ANK3: variants seen among roughly 807,000 people sequenced by gnomAD.
ANK3 encodes ankyrin-3.
A neutral mutation model predicts 370.9 loss-of-function variants in ANK3; 57 were observed. That is an observed-to-expected ratio of 0.15 (90% CI 0.12 to 0.19). The LOEUF (loss-of-function observed/expected upper bound fraction) is 0.19. Ranked by LOEUF, ANK3 falls within the 10% of genes least tolerant of loss-of-function variation. The pLI is 1.00. For missense variants in ANK3, 4,439 were observed against 5,302.1 expected (o/e 0.84, Z 5.06); for synonymous variants, 1,929 against 1,946.3 (o/e 0.99, Z 0.23).
intron 1 of ANK3, among the ~76,000 whole-genome samples, chr10:60,716,971 A>G (rs1039462659): frequency 6.6e-6 from 1 of 152,238 alleles, no homozygotes; most frequent in Non-Finnish European, 1.5e-5. Context: ...GCGGAGACCC[A>G]GCAATTGCTA....
chr10:60,140,196 T>C (rs2094502476), intron 23 of ANK3: 1 of 783,036 alleles, frequency 1.3e-6, no homozygotes, highest in Non-Finnish European at 2.1e-6. Context: ...TCAACTACTG[T>C]TTTTGCAAAT....
intron 23 of ANK3, chr10:60,140,248 T>C: frequency 8.1e-7 from 1 of 1,232,798 alleles, no homozygotes; most frequent in Non-Finnish European, 1.2e-6. Flanking sequence ...TGCTACCCAG[T>C]ACCAAGAGAT....
intron 1 of ANK3, among the ~76,000 whole-genome samples, chr10:60,379,721 G>A (rs2132824416): frequency 6.6e-6 from 1 of 152,086 alleles, no homozygotes; most frequent in East Asian, 1.9e-4. Context: ...AAAGGTAGGG[G>A]AAAGGGAGGT....
In ANK3 at chr10:60,134,393, C is replaced by T; in HGVS notation, c.2739-20G>A. On this transcript the variant is annotated intron_variant, in intron 24 of 43. Coordinates refer to ENST00000280772, the MANE Select transcript of ANK3 (RefSeq NM_020987.5). ...CGGAGGCTGTTGTATTTACAGTTAACCATTCAACAGTGGTAGATGATGATG... is the reference window on the plus strand; with the variant it reads ...CGGAGGCTGTTGTATTTACAGTTAATCATTCAACAGTGGTAGATGATGATG... 1 of 1,588,596 alleles carries T rather than the reference C, an allele frequency of 6.3e-7. No homozygotes were observed. Among genetic ancestry groups the T allele is most frequent in the East Asian group, 2.2e-5 (1 of 44,562 alleles).
intron 2 of ANK3, among the ~76,000 whole-genome samples, chr10:60,472,168 T>C (rs2065235018): frequency 6.6e-6 from 1 of 152,146 alleles, no homozygotes; most frequent in Non-Finnish European, 1.5e-5. Context: ...AAAGACTAAT[T>C]GAATGATCTG....
At chr10:60,224,385 G>A (rs2097106161) in intron 8 of ANK3, among the ~76,000 whole-genome samples, 1 of 152,176 alleles carries the variant, frequency 6.6e-6, no homozygotes, top group African/African-American at 2.4e-5. Flanking sequence ...GGAACTGCAC[G>A]TTACTCGCCG....
intron 23 of ANK3, among the ~76,000 whole-genome samples, chr10:60,143,111 G>A (rs1418630113): frequency 6.6e-6 from 1 of 152,082 alleles, no homozygotes; most frequent in Non-Finnish European, 1.5e-5. Context: ...AACTCAAATA[G>A]CATTTAAATT....
intron 42 of ANK3, among the ~76,000 whole-genome samples, chr10:60,050,884 GTAAAGT>G (rs1261489549): frequency 3.3e-5 from 5 of 150,296 alleles, no homozygotes; most frequent in African/African-American, 1.2e-4. Flanking sequence ...TTGTGTGTTA[GTAAAGT>G]TAAACAAACA....
chr10:60,041,519 A>G lies in ANK3; in HGVS notation c.*19+1153T>C, dbSNP rs186689906. ...CCACTTTGGGCCTGTTTCCTCATCT[A>G]TCAAATGGGGATGATGAAGGCCTTA... On this transcript the variant is annotated intron_variant, in intron 43 of 43. Transcript: ENST00000280772. Among the ~76,000 whole-genome samples the G allele has an allele frequency of 2.4e-3, 366 of 152,222 alleles. 2 individuals carry two copies. Among genetic ancestry groups the G allele is most frequent in the Middle Eastern group, 0.017 (5 of 294 alleles).
Position 60,595,289 on chromosome 10 carries a change from C to T in ANK3, c.96+19897G>A, listed in dbSNP as rs117868879. Reference sequence around the variant, plus strand: ...ACATGAGGCTGGAGTTTTATTACTACTCAAATCAGCTTCCACAAAAATTTG... The same window carrying T: ...ACATGAGGCTGGAGTTTTATTACTATTCAAATCAGCTTCCACAAAAATTTG... On this transcript the variant is annotated intron_variant, in intron 2 of 43. Coordinates refer to the ANK3 transcript ENST00000373827. Among the ~76,000 whole-genome samples, 1,007 of 152,176 alleles carry T rather than the reference C, an allele frequency of 6.6e-3. 2 individuals carry two copies. Among genetic ancestry groups the T allele is most frequent in the Non-Finnish European group, 0.011 (719 of 68,016 alleles).
At chr10:60,115,451 A>G (rs1010766701) in intron 25 of ANK3, among the ~76,000 whole-genome samples, 6 of 152,212 alleles carry the variant, frequency 3.9e-5, no homozygotes, top group African/African-American at 1.4e-4. Context: ...TGTGGATAAA[A>G]CCAGAAAAAT....
chr10:60,495,697 C>T (rs7077572), intron 2 of ANK3, among the ~76,000 whole-genome samples: 19,573 of 152,098 alleles, frequency 0.13, 1,453 homozygotes, highest in African/African-American at 0.2. Context: ...TTCTGTGATC[C>T]TACTGCACAT....
At chr10:60,362,786 T>G (rs958354311) in intron 1 of ANK3, among the ~76,000 whole-genome samples, 1 of 152,114 alleles carries the variant, frequency 6.6e-6, no homozygotes, top group Admixed American at 6.5e-5. Flanking sequence ...TCAGGTACCA[T>G]GGGCGGTGAT....
chr10:60,536,372 G>A (rs911031574), intron 2 of ANK3, among the ~76,000 whole-genome samples: 3 of 152,002 alleles, frequency 2.0e-5, no homozygotes, highest in African/African-American at 7.2e-5. Flanking sequence ...AATTGAACAA[G>A]CTGTGTAGTT....
chr10:60,480,327 G>C (rs994495915), intron 2 of ANK3, among the ~76,000 whole-genome samples: 1 of 152,140 alleles, frequency 6.6e-6, no homozygotes, highest in Non-Finnish European at 1.5e-5. Context: ...GGGCACAGAC[G>C]AATGCTTACG....
intron 41 of ANK3, among the ~76,000 whole-genome samples, chr10:60,056,283 A>T (rs1490604133): frequency 6.6e-6 from 1 of 152,084 alleles, no homozygotes; most frequent in Admixed American, 6.5e-5. Context: ...AGCCTGGCCA[A>T]CGTGGCAAAA....
At chr10:60,503,451 T>C (rs2133148348) in intron 2 of ANK3, among the ~76,000 whole-genome samples, 1 of 152,278 alleles carries the variant, frequency 6.6e-6, no homozygotes, top group East Asian at 1.9e-4. Flanking sequence ...CTATTATTAA[T>C]ACCATTTTAC....
At chr10:60,377,176 A>T (rs75342328) in intron 1 of ANK3, among the ~76,000 whole-genome samples, 13,314 of 152,268 alleles carry the variant, frequency 0.087, 732 homozygotes, top group South Asian at 0.13. Context: ...AGGTCCTTGC[A>T]GAAGAGGGGA....
chr10:60,696,431 C>T (rs1362440090), intron 1 of ANK3, among the ~76,000 whole-genome samples: 4 of 150,634 alleles, frequency 2.7e-5, no homozygotes, highest in Non-Finnish European at 5.9e-5. Flanking sequence ...ATACCAAAGC[C>T]GGGCAGAGAC....
Sources: gnomAD v4.1 joint callset for allele counts (sites outside exome capture counted in the v4.1 genomes callset) on GRCh38, gnomAD v4.1.1 for gene constraint, MANE v1.5 for transcripts, NCBI Gene and HGNC (gene_info 2026-07-23, HGNC 2026-07-21) for gene names.